STON1: variants seen among roughly 807,000 people sequenced by gnomAD.
STON1 encodes the protein stonin 1.
STON1 carries 79 observed loss-of-function variants against 60.9 expected under a neutral mutation model. That is an observed-to-expected ratio of 1.30 (90% CI 1.08 to 1.56). The LOEUF is 1.56. Among genes scored for constraint, STON1 ranks in the 40% most tolerant of loss-of-function variants. The pLI, the probability that STON1 is intolerant of heterozygous loss-of-function variation, is 0.00. For synonymous variants in STON1, 363 were observed against 306.9 expected (o/e 1.18, Z -1.91); for missense variants, 1,166 against 858.9 (o/e 1.36, Z -4.47).
At chr2:48,583,286 C>T (rs886151731) in intron 2 of STON1, among the ~76,000 whole-genome samples, 2 of 152,044 alleles carry the variant, frequency 1.3e-5, no homozygotes, top group Admixed American at 1.3e-4. Context: ...ACGGGGTCTC[C>T]CTATGTTGCC....
Position 48,597,140 on chromosome 2 carries a change from A to T in STON1, c.*1838A>T, listed in dbSNP as rs907718043. Reference sequence around the variant, plus strand: ...AGTTCTGGGATTAAATGCGTGAGCCACCATGCCCGGCCGCTATTGCTCTTT... The same window carrying T: ...AGTTCTGGGATTAAATGCGTGAGCCTCCATGCCCGGCCGCTATTGCTCTTT... On this transcript the variant is annotated 3_prime_UTR_variant, in exon 4 of 4. Coordinates refer to ENST00000404752, the MANE Select transcript of STON1 (RefSeq NM_006873.4). 1 of 152,266 alleles carries T rather than the reference A, an allele frequency of 6.6e-6. No homozygotes were observed. Among genetic ancestry groups the T allele is most frequent in the African/African-American group, 2.4e-5 (1 of 41,456 alleles). The allele number at this position is 152,266 out of a possible 1,614,324, so 9.4% of individuals were successfully genotyped here. A position where few individuals can be genotyped will look rare whatever the true frequency, so the allele number is the denominator to read the frequency against.
At chr2:48,583,754 CTTTTTTT>C (rs905822150) in intron 2 of STON1, among the ~76,000 whole-genome samples, 7 of 133,698 alleles carry the variant, frequency 5.2e-5, no homozygotes, top group Non-Finnish European at 8.0e-5. Flanking sequence ...TCTTTTTTTT[CTTTTTTT>C]TTTTTTTTTG....
intron 1 of STON1, among the ~76,000 whole-genome samples, chr2:48,571,105 C>G (rs1040483119): frequency 6.6e-6 from 1 of 152,154 alleles, no homozygotes; most frequent in African/African-American, 2.4e-5. Flanking sequence ...ATCTGCCCGC[C>G]TTGGCCTTCC....
In STON1 at chr2:48,593,989, G is replaced by C. The variant is rs534497409; in HGVS notation, c.2134-1239G>C. On this transcript the variant is annotated intron_variant, in intron 3 of 3. Transcript: ENST00000404752. The stretch of plus-strand genomic sequence containing the variant: ...TCCTTCCTGGAATCTATGCAGGGGT[G>C]TATAGGCCCCTTTGCATCAACTTGG... 6.6e-5 allele frequency among the ~76,000 whole-genome samples: 10 copies of C among 152,292 alleles called. No individual in the cohort carries two copies. In the South Asian group the frequency reaches 2.1e-3, roughly 32 times the overall value.
intron 1 of STON1, among the ~76,000 whole-genome samples, chr2:48,551,705 A>G (rs367708480): frequency 3.3e-5 from 5 of 152,256 alleles, no homozygotes; most frequent in East Asian, 3.8e-4. Context: ...TGCAAGGAGC[A>G]TGTAAAAAAC....
rs184180407 is a variant in STON1 at position 48,536,026 on chromosome 2, C to G, written c.-48+5810C>G. 7.0e-3 allele frequency among the ~76,000 whole-genome samples: 1,068 copies of G among 152,016 alleles called. 10 individuals carry two copies. The highest frequency in any genetic ancestry group is 0.025 in the African/African-American group (1,018 of 41,446). On this transcript the variant is annotated intron_variant, in intron 1 of 3. Transcript: ENST00000404752. ...CACTTGAGCTGGGGAGGCAGAGGTT[C>G]CAATGAGCTGAGATCAGGCCACTGC...
At chr2:48,532,346 C>CTAAATAAATAAA (rs10564346) in intron 1 of STON1, among the ~76,000 whole-genome samples, 2 of 134,494 alleles carry the variant, frequency 1.5e-5, no homozygotes, top group African/African-American at 2.8e-5. Context: ...AAGACTCTGT[C>CTAAATAAATAAA]TAAATAAATA....
intron 1 of STON1, 54 bp from the exon 2 acceptor site, chr2:48,580,533 A>T: frequency 6.8e-3 from 5,263 of 778,284 alleles, no homozygotes; most frequent in Non-Finnish European, 8.7e-3. Flanking sequence ...TTTAGTAATG[A>T]TTCCCCCCTT....
intron 3 of STON1, 79 bp from the exon 4 acceptor site, chr2:48,595,149 T>G (rs1674726539): frequency 9.1e-7 from 1 of 1,104,542 alleles, no homozygotes; most frequent in Non-Finnish European, 1.4e-6. Flanking sequence ...CTGTGCCACA[T>G]GTATAAAATA....
chr2:48,557,691 G>C lies in STON1; in HGVS notation c.-47-22896G>C, dbSNP rs1490240100. On this transcript the variant is annotated intron_variant, in intron 1 of 3. Coordinates refer to ENST00000404752, the MANE Select transcript of STON1 (RefSeq NM_006873.4). ...ACTCCGTCTGCAATCCCGGCACCTC[G>C]GGAGGCCGAGGTTGGCGGATCACTC... Among the ~76,000 whole-genome samples, 6 of 69,054 alleles carry C rather than the reference G, an allele frequency of 8.7e-5. 2 individuals carry two copies. Among genetic ancestry groups the C allele is most frequent in the African/African-American group, 3.0e-4 (6 of 19,838 alleles). The allele number at this position is 69,054 out of a possible 152,430, so 45.3% of individuals were successfully genotyped here.
chr2:48,578,536 TCC>T (rs1242415997), intron 1 of STON1, among the ~76,000 whole-genome samples: 1 of 37,110 alleles, frequency 2.7e-5, no homozygotes, highest in Non-Finnish European at 8.8e-5. Context: ...CTCTTTCTCC[TCC>T]TTCTCCTCCT....
At chr2:48,551,826 C>G (rs1672119298) in intron 1 of STON1, among the ~76,000 whole-genome samples, 1 of 152,220 alleles carries the variant, frequency 6.6e-6, no homozygotes, top group Non-Finnish European at 1.5e-5. Flanking sequence ...TGAATAAGAT[C>G]CTATCATCCC....
rs1310738921 is a variant in STON1, at chr2:48,597,033, A to G, written c.*1731A>G. 1 of 152,052 alleles carries G rather than the reference A, an allele frequency of 6.6e-6. No individual in the cohort carries two copies. The highest frequency in any genetic ancestry group is 2.4e-5 in the African/African-American group (1 of 41,376). 9.4% of individuals were successfully genotyped at this position (152,052 alleles called of 1,614,324 possible). On this transcript the variant is annotated 3_prime_UTR_variant, in exon 4 of 4. Transcript: ENST00000404752. ...CTGGCTAAAATTCTTTTGTATTTTT[A>G]CTACAGACGGAGTTTCCCCATGTTG... is the stretch of plus-strand genomic sequence containing the variant.
intron 3 of STON1, among the ~76,000 whole-genome samples, chr2:48,593,979 A>C (rs1000869643): frequency 6.6e-6 from 1 of 152,170 alleles, no homozygotes; most frequent in African/African-American, 2.4e-5. Flanking sequence ...CCTGGAATCT[A>C]TGCAGGGGTG....
At chr2:48,568,266 C>T (rs1016020648) in intron 1 of STON1, among the ~76,000 whole-genome samples, 3 of 152,274 alleles carry the variant, frequency 2.0e-5, no homozygotes, top group Admixed American at 2.0e-4. Flanking sequence ...TTAGGGACCA[C>T]ATTGGGGCGT....
chr2:48,552,502 C>T (rs986700859), intron 1 of STON1, among the ~76,000 whole-genome samples: 2 of 152,128 alleles, frequency 1.3e-5, no homozygotes, highest in Non-Finnish European at 2.9e-5. Context: ...GTGGCTCATG[C>T]CTGTAATCCC....
intron 1 of STON1, among the ~76,000 whole-genome samples, chr2:48,544,041 A>T (rs1349064724): frequency 6.6e-6 from 1 of 152,196 alleles, no homozygotes; most frequent in African/African-American, 2.4e-5. Context: ...AAGACCTAAA[A>T]TCTGCCTGTT....
intron 1 of STON1, among the ~76,000 whole-genome samples, chr2:48,550,233 C>T (rs988662398): frequency 3.3e-5 from 5 of 152,014 alleles, no homozygotes; most frequent in African/African-American, 9.7e-5. Context: ...CGCGGTGGCT[C>T]ATGCTTGTAT....
chr2:48,550,857 G>C (rs1672073352), intron 1 of STON1, among the ~76,000 whole-genome samples: 1 of 151,894 alleles, frequency 6.6e-6, no homozygotes, highest in South Asian at 2.1e-4. Context: ...TTTATCTTTA[G>C]GGACTGGAAA....
Sources: allele counts gnomAD v4.1 joint callset (sites outside exome capture counted in the v4.1 genomes callset), GRCh38; gene constraint gnomAD v4.1.1; transcripts MANE v1.5; gene names NCBI Gene and HGNC (gene_info 2026-07-23, HGNC 2026-07-21).